SEC22A: variants seen among roughly 807,000 people sequenced by gnomAD.
The protein encoded by SEC22A is SEC22 homolog A, vesicle trafficking protein.
Under a neutral mutation model 35.3 loss-of-function variants are expected in SEC22A, and 22 were observed. The ratio of observed to expected loss-of-function variants is 0.62; its 90% confidence interval spans 0.45 to 0.89. The LOEUF is 0.89. Ranked by LOEUF, SEC22A falls within the 40% of genes least tolerant of loss-of-function variation. The probability of loss-of-function intolerance (pLI) is 0.00; values close to 1 mark genes in which losing one functional copy is unlikely to be tolerated. For synonymous variants in SEC22A, 119 were observed against 129.5 expected (o/e 0.92, Z 0.55); for missense variants, 354 against 362.5 (o/e 0.98, Z 0.19).
chr3:123,253,943 G>A (rs1429219716), intron 5 of SEC22A, among the ~76,000 whole-genome samples: 2 of 150,680 alleles, frequency 1.3e-5, no homozygotes, highest in Non-Finnish European at 3.0e-5. Flanking sequence ...ATTAAAAAGT[G>A]GAGAAAGAAA....
intron 2 of SEC22A, among the ~76,000 whole-genome samples, chr3:123,212,172 GC>G (rs2108031564): frequency 6.6e-6 from 1 of 152,274 alleles, no homozygotes; most frequent in East Asian, 1.9e-4. Flanking sequence ...GGGGAGAAGT[GC>G]CTACTGGGTT....
At chr3:123,203,222 T>C (rs1936785865) in intron 1 of SEC22A, among the ~76,000 whole-genome samples, 1 of 151,976 alleles carries the variant, frequency 6.6e-6, no homozygotes, top group Non-Finnish European at 1.5e-5. Flanking sequence ...TTTAAATCCC[T>C]ACTTTGTCAC....
chr3:123,250,455 G>T (rs1376553778), intron 5 of SEC22A, among the ~76,000 whole-genome samples: 8 of 152,234 alleles, frequency 5.3e-5, no homozygotes, highest in African/African-American at 1.7e-4. Context: ...ACTGGAAAGG[G>T]AGGAATGTTC....
At chr3:123,239,365 A>T (rs1292336258) in intron 4 of SEC22A, among the ~76,000 whole-genome samples, 8 of 152,166 alleles carry the variant, frequency 5.3e-5, no homozygotes, top group Admixed American at 5.2e-4. Flanking sequence ...TTACGTATAT[A>T]TACATGTGCT....
At chr3:123,246,159 C>A in intron 5 of SEC22A, 145 bp downstream of exon 5, 1 of 546,082 alleles carries the variant, frequency 1.8e-6, no homozygotes, top group East Asian at 2.9e-5. Context: ...TAGCCTCCTT[C>A]TAAAAACACT....
intron 6 of SEC22A, among the ~76,000 whole-genome samples, chr3:123,269,215 G>GTGTGTGTATA (rs10642998): frequency 0.038 from 5,129 of 136,696 alleles, 108 homozygotes; most frequent in South Asian, 0.064. Context: ...GTGTGTGTGT[G>GTGTGTGTATA]TATATATTAC....
At chr3:123,255,270 G>GT (rs1345819464) in intron 5 of SEC22A, among the ~76,000 whole-genome samples, 2 of 151,512 alleles carry the variant, frequency 1.3e-5, no homozygotes, top group African/African-American at 4.8e-5. Flanking sequence ...GTTTTCTCCC[G>GT]TTTTGTTTTG....
chr3:123,235,219 C>T (rs905933387), intron 4 of SEC22A, among the ~76,000 whole-genome samples: 2 of 151,948 alleles, frequency 1.3e-5, no homozygotes, highest in African/African-American at 2.4e-5. Context: ...GTTCTTCGAA[C>T]GACACTATTA....
chr3:123,223,535 A>C, intron 2 of SEC22A, 24 bp from the exon 3 acceptor site: 1 of 1,601,976 alleles, frequency 6.2e-7, no homozygotes. Context: ...TGAAATTTTA[A>C]AACCAATGTT....
intron 2 of SEC22A, among the ~76,000 whole-genome samples, chr3:123,221,641 T>A (rs1937126297): frequency 6.6e-6 from 1 of 152,122 alleles, no homozygotes; most frequent in Non-Finnish European, 1.5e-5. Flanking sequence ...ACTTTGTGTT[T>A]TGTGCTCTGC....
chr3:123,238,820 T>TG (rs1425224611), intron 4 of SEC22A, among the ~76,000 whole-genome samples: 1 of 152,212 alleles, frequency 6.6e-6, no homozygotes, highest in African/African-American at 2.4e-5. Flanking sequence ...CTACAGATGT[T>TG]GTTCATGGGG....
intron 2 of SEC22A, among the ~76,000 whole-genome samples, chr3:123,219,009 C>G (rs2108040746): frequency 6.6e-6 from 1 of 152,210 alleles, no homozygotes; most frequent in South Asian, 2.1e-4. Flanking sequence ...AAACTAACAG[C>G]TGCTATGATA....
intron 4 of SEC22A, among the ~76,000 whole-genome samples, chr3:123,241,209 G>T (rs1369629346): frequency 6.6e-6 from 1 of 152,180 alleles, no homozygotes; most frequent in African/African-American, 2.4e-5. Context: ...TGTGATACAT[G>T]CTCCAAAAGA....
chr3:123,203,783 C>T (rs1254060977), intron 1 of SEC22A, among the ~76,000 whole-genome samples: 1 of 152,170 alleles, frequency 6.6e-6, no homozygotes, highest in African/African-American at 2.4e-5. Context: ...TTAGTTTCCT[C>T]ATCTGTAAAA....
At chr3:123,263,342 A>G (rs893203849) in intron 6 of SEC22A, among the ~76,000 whole-genome samples, 1 of 152,166 alleles carries the variant, frequency 6.6e-6, no homozygotes, top group Admixed American at 6.5e-5. Context: ...ATATCCTCAC[A>G]CAGAGAAAGT....
At chr3:123,209,106 T>C (rs1936895797) in intron 1 of SEC22A, 93 bp from the exon 2 acceptor site, 1 of 982,686 alleles carries the variant, frequency 1.0e-6, no homozygotes, top group Non-Finnish European at 1.6e-6. Flanking sequence ...TTAATTACTA[T>C]TCTTATATTA....
intron 6 of SEC22A, among the ~76,000 whole-genome samples, chr3:123,270,501 G>C (rs1037803848): frequency 6.6e-6 from 1 of 152,252 alleles, no homozygotes; most frequent in South Asian, 2.1e-4. Context: ...ATACTTACCA[G>C]GTTGTGAATT....
chr3:123,239,598 A>G (rs1488761516), intron 4 of SEC22A, among the ~76,000 whole-genome samples: 1 of 151,804 alleles, frequency 6.6e-6, no homozygotes, highest in African/African-American at 2.4e-5. Flanking sequence ...GCATTTTTTC[A>G]TGTGTTTTTT....
chr3:123,233,408 G>T (rs1250036175), intron 4 of SEC22A, among the ~76,000 whole-genome samples: 3 of 152,080 alleles, frequency 2.0e-5, no homozygotes, highest in Admixed American at 2.0e-4. Context: ...TATGACGTTT[G>T]CACAGCAATA....
Sources: allele counts gnomAD v4.1 joint callset (sites outside exome capture counted in the v4.1 genomes callset), GRCh38; gene constraint gnomAD v4.1.1; transcripts MANE v1.5; gene names NCBI Gene and HGNC (gene_info 2026-07-23, HGNC 2026-07-21).